Variants in PKD1L1 observed in about 807,000 individuals in gnomAD.
PKD1L1 encodes the protein polycystin-1-like protein 1.
PKD1L1 carries 236 observed loss-of-function variants against 323.4 expected under a neutral mutation model. That is an observed-to-expected ratio of 0.73 (90% confidence interval 0.66 to 0.81). The LOEUF is 0.81. PKD1L1 is among the 40% of genes least tolerant of loss of function. The pLI, the probability that PKD1L1 is intolerant of heterozygous loss-of-function variation, is 0.00. For synonymous variants in PKD1L1, 1,344 were observed against 1,335.0 expected, an observed-to-expected ratio of 1.01 and a Z score of -0.15; for missense variants, 3,320 against 3,508.0, an observed-to-expected ratio of 0.95 and a Z score of 1.35.
chr7:47,915,323 T>C (rs946862681), intron 8 of PKD1L1, 109 bp downstream of exon 8: 26 of 681,738 alleles, frequency 3.8e-5, no homozygotes, highest in Non-Finnish European at 6.2e-5. Flanking sequence ...CCATAGAGTG[T>C]ATAGCCAATC....
chr7:47,787,070 A>G (rs969168404), intron 56 of PKD1L1, among the ~76,000 whole-genome samples: 1 of 125,672 alleles, frequency 8.0e-6, no homozygotes, highest in African/African-American at 2.8e-5. Context: ...GTTAAGATGA[A>G]GAAACAAATA....
intron 56 of PKD1L1, among the ~76,000 whole-genome samples, chr7:47,792,207 T>C (rs537026060): frequency 6.6e-6 from 1 of 152,342 alleles, no homozygotes; most frequent in South Asian, 2.1e-4. Context: ...GAGAATTCTG[T>C]GTGCTCTTGG....
chr7:47,920,675 G>A (rs1787517722), intron 7 of PKD1L1, among the ~76,000 whole-genome samples: 1 of 152,102 alleles, frequency 6.6e-6, no homozygotes, highest in African/African-American at 2.4e-5. Flanking sequence ...AACAGCATGG[G>A]ACTGGTATAA....
At chr7:47,891,718 T>C (rs1191122618) in intron 15 of PKD1L1, among the ~76,000 whole-genome samples, 1 of 152,234 alleles carries the variant, frequency 6.6e-6, no homozygotes, top group East Asian at 1.9e-4. Flanking sequence ...GAATATTCTA[T>C]ACTCCCAGGG....
chr7:47,937,541 G>A lies in PKD1L1; in HGVS notation c.286-583C>T, dbSNP rs532049729. 5.3e-5 allele frequency among the ~76,000 whole-genome samples: 8 copies of A among 152,278 alleles called. No individual in the cohort carries two copies. In the East Asian group the frequency reaches 1.4e-3, roughly 26 times the overall value. ...GAGATGGAGGGTTCTGAGCACAAGA[G>A]TGGCACGCTCCAATGCACAGAAGCA... is the stretch of plus-strand genomic sequence containing the variant. On this transcript the variant is annotated intron_variant, in intron 3 of 56. Transcript: ENST00000289672.
At chr7:47,809,242 T>A (rs1784843719) in intron 51 of PKD1L1, 1 of 403,508 alleles carries the variant, frequency 2.5e-6, no homozygotes, top group Non-Finnish European at 4.4e-6. Context: ...CCATAAGATC[T>A]TATGGGACCA....
At chr7:47,915,197 AC>A (rs1168000286) in intron 8 of PKD1L1, among the ~76,000 whole-genome samples, 4 of 152,224 alleles carry the variant, frequency 2.6e-5, no homozygotes, top group African/African-American at 9.6e-5. Context: ...TGGGAATGAG[AC>A]AGCAGTCACA....
At chr7:47,928,473 G>A (rs1482481913) in intron 7 of PKD1L1, among the ~76,000 whole-genome samples, 1 of 152,174 alleles carries the variant, frequency 6.6e-6, no homozygotes, top group Admixed American at 6.5e-5. Flanking sequence ...GGGAGGCTGA[G>A]GCGGGAGGAT....
chr7:47,851,952 T>C (rs1238524851), intron 31 of PKD1L1, among the ~76,000 whole-genome samples: 1 of 152,216 alleles, frequency 6.6e-6, no homozygotes, highest in Admixed American at 6.5e-5. Flanking sequence ...TAAAGAGCTA[T>C]AGAAGGCATT....
Position 47,844,993 on chromosome 7 carries a change from A to C in PKD1L1, c.5237+2T>G, listed in dbSNP as rs1785634446. On this transcript the variant is annotated splice_donor_variant, in intron 33 of 56. Transcript: ENST00000289672. LOFTEE classifies it high-confidence loss of function. ...AGTCTTTATGTAGGAAATGGAACTT[A>C]CCTCTGTAGCTTGGAAATGTCACTC... is the stretch of plus-strand genomic sequence containing the variant. The C allele has an allele frequency of 6.2e-7, 1 of 1,611,340 alleles. No individual in the cohort carries two copies. Among genetic ancestry groups the C allele is most frequent in the East Asian group, 2.2e-5 (1 of 44,868 alleles).
chr7:47,898,272 T>A, intron 13 of PKD1L1, 78 bp from the exon 14 acceptor site: 7 of 1,223,452 alleles, frequency 5.7e-6, no homozygotes, highest in Middle Eastern at 2.5e-4. Context: ...AGAAACTTAG[T>A]CTTAACTGTA....
chr7:47,854,240 C>T (rs1785848281), intron 30 of PKD1L1, among the ~76,000 whole-genome samples: 3 of 152,052 alleles, frequency 2.0e-5, no homozygotes, highest in Admixed American at 2.0e-4. Flanking sequence ...TTGAGATGCC[C>T]ACCTAACCAA....
Position 47,877,480 on chromosome 7 carries a change from TC to T in PKD1L1, c.3663+8del, listed in dbSNP as rs1786433871. The stretch of plus-strand genomic sequence containing the variant: ...GTCTCTCAGGACAGACATGGGGTTG[TC>T]CACGTACCGGTTTTCCAGACATGCA... On this transcript the variant is annotated splice_region_variant and intron_variant, in intron 22 of 56. Transcript: ENST00000289672. 3 of 1,613,366 alleles carry T rather than the reference TC, an allele frequency of 1.9e-6. No individual in the cohort carries two copies. Among genetic ancestry groups the T allele is most frequent in the Non-Finnish European group, 2.5e-6 (3 of 1,179,818 alleles).
chr7:47,879,438 C>T (rs1442293594), intron 21 of PKD1L1, among the ~76,000 whole-genome samples: 1 of 151,928 alleles, frequency 6.6e-6, no homozygotes, highest in Non-Finnish European at 1.5e-5. Flanking sequence ...TCGAGACCAG[C>T]CTGGCCAACA....
Position 47,908,131 on chromosome 7 carries a change from T to A in PKD1L1, c.1348A>T (p.Ser450Cys), listed in dbSNP as rs775063374. Residue 450 changes from serine (S) to cysteine (C), a missense_variant, in exon 9 of 57, where the codon AGT becomes TGT. Transcript: ENST00000289672. ...ACAAGCACTTCATCTTCATGGACACTGCTGGAGTTCATGAACGCAGACACG... is the reference window on the plus strand; with the variant it reads ...ACAAGCACTTCATCTTCATGGACACAGCTGGAGTTCATGAACGCAGACACG... ...EAVSAFMNSS[S>C]VHEDEVLVFA... 1.2e-6 allele frequency: 2 copies of A among 1,614,206 alleles called. No homozygotes were observed. The highest frequency in any genetic ancestry group is 1.7e-6 in the Non-Finnish European group (2 of 1,180,030).
intron 15 of PKD1L1, among the ~76,000 whole-genome samples, chr7:47,892,618 G>A (rs1786845910): frequency 6.6e-6 from 1 of 152,108 alleles, no homozygotes; most frequent in South Asian, 2.1e-4. Flanking sequence ...CAGCATTCAG[G>A]GAATGGTTAC....
intron 9 of PKD1L1, 76 bp downstream of exon 9, chr7:47,908,001 G>A: frequency 7.1e-7 from 1 of 1,417,618 alleles, no homozygotes; most frequent in Non-Finnish European, 9.5e-7. Flanking sequence ...AACTTGAACA[G>A]TATAAGTAAA....
chr7:47,856,291 G>A (rs1326475456), intron 28 of PKD1L1, among the ~76,000 whole-genome samples: 8 of 152,084 alleles, frequency 5.3e-5, no homozygotes, highest in East Asian at 1.9e-4. Context: ...CACTCGCCTC[G>A]GCCTCCCAAA....
Position 47,815,353 on chromosome 7 carries a change from G to A in PKD1L1, c.7070C>T (p.Ala2357Val), listed in dbSNP as rs1333715363. 9 of 1,614,152 alleles carry A rather than the reference G, an allele frequency of 5.6e-6. No homozygotes were observed. The highest frequency in any genetic ancestry group is 7.6e-6 in the Non-Finnish European group (9 of 1,180,024). The change falls in exon 47 of 57, where the codon GCC (alanine) becomes GTC (valine). Residue 2357 changes from alanine to valine, a missense_variant. Physicochemically the swap from Ala to Val is moderately conservative, Grantham distance 64 (BLOSUM62 0). Transcript: ENST00000289672. The part of the protein sequence containing the change: ...DGLYPGGTPS[A>V]RVPGAQPGAL... Reference sequence around the variant, plus strand: ...GCTCACCTGAGCCCCCGGCACACGGGCTGACGGGGTGCCTCCCGGGTACAG... The same window carrying A: ...GCTCACCTGAGCCCCCGGCACACGGACTGACGGGGTGCCTCCCGGGTACAG...
Sources: allele counts gnomAD v4.1 joint callset (sites outside exome capture counted in the v4.1 genomes callset), GRCh38; gene constraint gnomAD v4.1.1; transcripts MANE v1.5; gene names NCBI Gene and HGNC (gene_info 2026-07-23, HGNC 2026-07-21).